Variants in DPF3 observed in about 807,000 individuals in gnomAD.
DPF3 encodes the protein zinc finger protein DPF3.
Under a neutral mutation model 56.8 loss-of-function variants are expected in DPF3, and 18 were observed. The observed-to-expected ratio is 0.32, with a 90% CI of 0.22 to 0.47. DPF3 has a LOEUF of 0.47. DPF3 is among the 20% of genes least tolerant of loss of function. DPF3 has a pLI of 1.00. For synonymous variants in DPF3, 188 were observed against 180.2 expected, an observed-to-expected ratio of 1.04 and a Z score of -0.35; for missense variants, 403 against 488.8, an observed-to-expected ratio of 0.82 and a Z score of 1.65.
intron 1 of DPF3, among the ~76,000 whole-genome samples, chr14:72,863,778 A>G (rs1221583964): frequency 6.6e-6 from 1 of 152,202 alleles, no homozygotes. Context: ...GCATAGACAC[A>G]GCCCACCAGA....
At chr14:72,626,925 CTT>C (rs201737812) in intron 9 of DPF3, among the ~76,000 whole-genome samples, 13 of 139,678 alleles carry the variant, frequency 9.3e-5, no homozygotes, top group Non-Finnish European at 6.3e-5. Context: ...TGCATTTGAA[CTT>C]TTTTTTTTTT....
intron 1 of DPF3, among the ~76,000 whole-genome samples, chr14:72,884,953 T>TATATATATATATATATATATATATACAC (rs1316175906): frequency 4.1e-5 from 3 of 73,776 alleles, no homozygotes; most frequent in Admixed American, 1.8e-4. Context: ...TATATATATA[T>TATATATATATATATATATATATATACAC]ATATATATAT....
chr14:72,637,068 T>G (rs995709176), intron 8 of DPF3, among the ~76,000 whole-genome samples: 5 of 152,376 alleles, frequency 3.3e-5, no homozygotes, highest in African/African-American at 7.2e-5. Context: ...CAGGGGCTAT[T>G]GCACCAGTCA....
intron 8 of DPF3, among the ~76,000 whole-genome samples, chr14:72,667,724 T>C (rs1487807058): frequency 6.6e-6 from 1 of 152,232 alleles, no homozygotes; most frequent in African/African-American, 2.4e-5. Flanking sequence ...TTTTACAGGA[T>C]CTAATTGCTT....
At chr14:72,813,515 G>GAACAA (rs1883152397) in intron 1 of DPF3, among the ~76,000 whole-genome samples, 1 of 152,158 alleles carries the variant, frequency 6.6e-6, no homozygotes, top group Non-Finnish European at 1.5e-5. Flanking sequence ...TGCTACATCA[G>GAACAA]AACAAACCCA....
intron 1 of DPF3, among the ~76,000 whole-genome samples, chr14:72,873,313 C>A (rs1222678839): frequency 6.6e-6 from 1 of 152,256 alleles, no homozygotes; most frequent in Non-Finnish European, 1.5e-5. Context: ...CCAAAAGACA[C>A]ATGAAACAAT....
intron 8 of DPF3, chr14:72,670,478 T>C: frequency 1.0e-6 from 1 of 985,772 alleles, no homozygotes; most frequent in African/African-American, 1.7e-5. Context: ...GAGAGGAAGA[T>C]GGAAAGGTCA....
At chr14:72,726,205 T>C (rs533947780) in intron 4 of DPF3, among the ~76,000 whole-genome samples, 60 of 152,354 alleles carry the variant, frequency 3.9e-4, no homozygotes, top group African/African-American at 1.4e-3. Context: ...CGTAGAACCA[T>C]CTTGCAAACT....
Position 72,810,451 on chromosome 14 carries a change from C to T in DPF3, c.33-38558G>A, listed in dbSNP as rs114111544. On this transcript the variant is annotated intron_variant, in intron 1 of 10. Coordinates refer to ENST00000556509, the MANE Select transcript of DPF3 (RefSeq NM_001280542.3). The stretch of plus-strand genomic sequence containing the variant: ...CGTCAGCAAATGTGTACCGAGCTTC[C>T]GGGCTGCAGAGGAAGGTGGGCGTGT... Among the ~76,000 whole-genome samples the T allele has an allele frequency of 7.8e-3, 1,183 of 152,112 alleles. 17 individuals are homozygous for T. Among genetic ancestry groups the T allele is most frequent in the African/African-American group, 0.027 (1,135 of 41,478 alleles).
intron 5 of DPF3, among the ~76,000 whole-genome samples, chr14:72,717,605 A>G (rs1434222472): frequency 6.6e-6 from 1 of 152,198 alleles, no homozygotes; most frequent in Non-Finnish European, 1.5e-5. Flanking sequence ...ATACTTTATT[A>G]TGACCCCCTA....
At chr14:72,760,513 G>A (rs146649042) in intron 2 of DPF3, among the ~76,000 whole-genome samples, 14 of 152,234 alleles carry the variant, frequency 9.2e-5, no homozygotes, top group African/African-American at 2.6e-4. Flanking sequence ...GGTAACATAC[G>A]CACAGATTTC....
chr14:72,621,885 G>A (rs1330538147), intron 9 of DPF3, among the ~76,000 whole-genome samples: 1 of 152,230 alleles, frequency 6.6e-6, no homozygotes, highest in African/African-American at 2.4e-5. Flanking sequence ...TGGGACATGG[G>A]AGGAAGAGCA....
At chr14:72,850,412 C>T (rs1185716853) in intron 1 of DPF3, among the ~76,000 whole-genome samples, 1 of 152,158 alleles carries the variant, frequency 6.6e-6, no homozygotes, top group Non-Finnish European at 1.5e-5. Context: ...AGCAGTGCCT[C>T]CATTTTGCCG....
chr14:72,673,836 C>CACACT (rs1284977687), intron 8 of DPF3, among the ~76,000 whole-genome samples: 2 of 152,160 alleles, frequency 1.3e-5, no homozygotes, highest in African/African-American at 2.4e-5. Flanking sequence ...CACACCACAC[C>CACACT]ACACTCTTCG....
At chr14:72,686,715 T>C (rs764281604) in intron 7 of DPF3, among the ~76,000 whole-genome samples, 4 of 152,220 alleles carry the variant, frequency 2.6e-5, no homozygotes, top group Non-Finnish European at 4.4e-5. Flanking sequence ...AAATTTACTC[T>C]TTGAGAAGGA....
chr14:72,876,532 G>A lies in DPF3; in HGVS notation c.32+17525C>T, dbSNP rs541051685. Among the ~76,000 whole-genome samples, 4 of 152,192 alleles carry A rather than the reference G, an allele frequency of 2.6e-5. No homozygotes were observed. The South Asian group carries it at 8.3e-4, about 32-fold the overall frequency. On this transcript the variant is annotated intron_variant, in intron 1 of 10. Coordinates refer to ENST00000556509, the MANE Select transcript of DPF3 (RefSeq NM_001280542.3). The stretch of plus-strand genomic sequence containing the variant: ...TTCTCATTTTTCCCTTCTGTTCACG[G>A]ACACCCCCCACCTACTCCCAACCAG...
intron 2 of DPF3, 109 bp from the exon 3 acceptor site, chr14:72,753,480 A>T (rs41314521): frequency 1.1e-6 from 1 of 872,204 alleles, no homozygotes; most frequent in Non-Finnish European, 1.7e-6. Context: ...AAGCCCAGAG[A>T]GAAGTGACTT....
intron 8 of DPF3, among the ~76,000 whole-genome samples, chr14:72,656,097 A>G (rs1274235132): frequency 6.6e-6 from 1 of 152,216 alleles, no homozygotes; most frequent in Non-Finnish European, 1.5e-5. Flanking sequence ...ACAGCTATTA[A>G]GTGACCCCTA....
intron 5 of DPF3, among the ~76,000 whole-genome samples, chr14:72,715,254 G>A (rs527885619): frequency 4.6e-5 from 7 of 152,296 alleles, no homozygotes; most frequent in South Asian, 2.1e-4. Flanking sequence ...CCAGGGTGGC[G>A]GTGGAATGAG....
Sources: allele counts gnomAD v4.1 joint callset (sites outside exome capture counted in the v4.1 genomes callset), GRCh38; gene constraint gnomAD v4.1.1; transcripts MANE v1.5; gene names NCBI Gene and HGNC (gene_info 2026-07-23, HGNC 2026-07-21).